LHFPL3: variants seen among roughly 807,000 people sequenced by gnomAD.
LHFPL3 encodes the protein LHFPL tetraspan subfamily member 3.
Under a neutral mutation model 19.3 loss-of-function variants are expected in LHFPL3, and 5 were observed. The ratio of observed to expected loss-of-function variants is 0.26; its 90% CI spans 0.14 to 0.54. The LOEUF (loss-of-function observed/expected upper bound fraction) is 0.54, where lower values mean the gene tolerates loss of function less well. Ranked by LOEUF, LHFPL3 falls within the 20% of genes least tolerant of loss-of-function variation. LHFPL3 has a pLI of 0.94. For missense variants in LHFPL3, 249 were observed against 307.4 expected, an observed-to-expected ratio of 0.81 and a Z score of 1.42; for synonymous variants, 133 against 126.2, an observed-to-expected ratio of 1.05 and a Z score of -0.36.
chr7:104,699,320 G>A (rs1584486430), intron 1 of LHFPL3, among the ~76,000 whole-genome samples: 1 of 152,312 alleles, frequency 6.6e-6, no homozygotes, highest in East Asian at 1.9e-4. Context: ...TATATGGTAT[G>A]CACATACAAT....
intron 1 of LHFPL3, among the ~76,000 whole-genome samples, chr7:104,377,415 A>G (rs574491657): frequency 1.3e-5 from 2 of 152,240 alleles, no homozygotes; most frequent in Non-Finnish European, 2.9e-5. Flanking sequence ...CCAGGTTTCA[A>G]TGTATCACAA....
At chr7:104,421,768 A>G (rs1327167448) in intron 1 of LHFPL3, among the ~76,000 whole-genome samples, 1 of 152,224 alleles carries the variant, frequency 6.6e-6, no homozygotes, top group Non-Finnish European at 1.5e-5. Context: ...TAAAGAAAAG[A>G]TAGCTGATAT....
At chr7:104,475,753 C>T (rs1437141868) in intron 1 of LHFPL3, among the ~76,000 whole-genome samples, 1 of 152,114 alleles carries the variant, frequency 6.6e-6, no homozygotes, top group African/African-American at 2.4e-5. Context: ...AGTGGAATTT[C>T]CAAATGCAGT....
chr7:104,592,728 T>G (rs1352891366), intron 1 of LHFPL3, among the ~76,000 whole-genome samples: 1 of 152,156 alleles, frequency 6.6e-6, no homozygotes, highest in Non-Finnish European at 1.5e-5. Flanking sequence ...CAGGCCGGCC[T>G]CCTTGAGCTG....
intron 1 of LHFPL3, among the ~76,000 whole-genome samples, chr7:104,621,184 A>C (rs1327417758): frequency 6.6e-6 from 1 of 152,206 alleles, no homozygotes; most frequent in Non-Finnish European, 1.5e-5. Context: ...CACTGATGCC[A>C]GTCCAAAAGT....
chr7:104,676,667 A>G (rs1792599158), intron 1 of LHFPL3, among the ~76,000 whole-genome samples: 1 of 152,268 alleles, frequency 6.6e-6, no homozygotes, highest in Admixed American at 6.5e-5. Context: ...GTTTAGCCTC[A>G]GTCATAAATA....
rs1299209364 is a variant in LHFPL3, at chr7:104,329,185, A to G, written c.406A>G (p.Thr136Ala). The part of the protein sequence containing the change: ...FTLFFFCNTA[T>A]VYKICAWMQL... ...CCTCTTCTTCTTCTGCAACACGGCC[A>G]CTGTGTACAAGATATGTGCCTGGAT... The change falls in exon 1 of 3, where the codon ACT becomes GCT. Residue 136 changes from threonine to alanine, a missense_variant. Coordinates refer to ENST00000424859, the MANE Select transcript of LHFPL3 (RefSeq NM_199000.3). The G allele has an allele frequency of 3.7e-6, 6 of 1,613,864 alleles. No individual in the cohort carries two copies. The highest frequency in any genetic ancestry group is 5.1e-6 in the Non-Finnish European group (6 of 1,179,814).
At chr7:104,832,205 T>C (rs1422683134) in intron 2 of LHFPL3, among the ~76,000 whole-genome samples, 3 of 152,016 alleles carry the variant, frequency 2.0e-5, no homozygotes, top group Non-Finnish European at 1.5e-5. Context: ...CACCGGATAA[T>C]TGTCATTGTC....
intron 1 of LHFPL3, among the ~76,000 whole-genome samples, chr7:104,432,898 C>T (rs1017357441): frequency 1.1e-4 from 16 of 152,116 alleles, no homozygotes; most frequent in Non-Finnish European, 1.3e-4. Flanking sequence ...CCACCCCTTG[C>T]CTGAGATGTG....
At chr7:104,650,118 T>A (rs953635091) in intron 1 of LHFPL3, among the ~76,000 whole-genome samples, 1 of 152,168 alleles carries the variant, frequency 6.6e-6, no homozygotes, top group Non-Finnish European at 1.5e-5. Flanking sequence ...AAGTGGCAAC[T>A]GAGAGCACAA....
intron 2 of LHFPL3, among the ~76,000 whole-genome samples, chr7:104,872,748 G>C (rs561179873): frequency 3.9e-5 from 6 of 152,078 alleles, no homozygotes; most frequent in Non-Finnish European, 8.8e-5. Flanking sequence ...AATAACACAC[G>C]GAGCTGTCAT....
chr7:104,635,339 C>T (rs1791710947), intron 1 of LHFPL3, among the ~76,000 whole-genome samples: 2 of 152,038 alleles, frequency 1.3e-5, no homozygotes, highest in African/African-American at 4.8e-5. Flanking sequence ...CTTCCAAGTA[C>T]TCAACACAAT....
intron 1 of LHFPL3, among the ~76,000 whole-genome samples, chr7:104,646,471 G>A (rs1232779939): frequency 1.3e-5 from 2 of 152,200 alleles, no homozygotes; most frequent in African/African-American, 2.4e-5. Context: ...GAAATAGGAT[G>A]TAAGAATTGG....
intron 2 of LHFPL3, among the ~76,000 whole-genome samples, chr7:104,900,839 G>A (rs1004762552): frequency 5.9e-5 from 9 of 152,304 alleles, no homozygotes; most frequent in Middle Eastern, 3.4e-3. Context: ...GGGCAACTCC[G>A]AGCCCATGAC....
chr7:104,896,775 A>C (rs1458435428), intron 2 of LHFPL3, among the ~76,000 whole-genome samples: 1 of 151,982 alleles, frequency 6.6e-6, no homozygotes, highest in East Asian at 1.9e-4. Context: ...ATTCAGTAGA[A>C]GGTATCACTG....
chr7:104,374,702 T>A (rs1790676415), intron 1 of LHFPL3, among the ~76,000 whole-genome samples: 1 of 152,184 alleles, frequency 6.6e-6, no homozygotes, highest in Non-Finnish European at 1.5e-5. Context: ...GGGATAGTTT[T>A]GGTACCAAAC....
rs143991867 is a variant in LHFPL3 at position 104,714,552 on chromosome 7, G to A, written c.446-22123G>A. On this transcript the variant is annotated intron_variant, in intron 1 of 2. Coordinates refer to ENST00000424859, the MANE Select transcript of LHFPL3 (RefSeq NM_199000.3). ...TTAGCAGTTCTTCATTTTAGATTTA[G>A]TAAGTCAGTGCCTCGGAGTTCATAT... 1.9e-3 allele frequency among the ~76,000 whole-genome samples: 295 copies of A among 151,756 alleles called. 4 individuals carry two copies. The highest frequency in any genetic ancestry group is 6.0e-3 in the African/African-American group (250 of 41,378).
intron 2 of LHFPL3, among the ~76,000 whole-genome samples, chr7:104,749,078 A>G (rs936956912): frequency 1.3e-5 from 2 of 152,268 alleles, no homozygotes; most frequent in Non-Finnish European, 2.9e-5. Flanking sequence ...AGTTGGCCGA[A>G]TCCAATTAAT....
intron 2 of LHFPL3, among the ~76,000 whole-genome samples, chr7:104,847,668 GC>G (rs1211153090): frequency 1.3e-5 from 2 of 152,126 alleles, no homozygotes; most frequent in East Asian, 3.9e-4. Flanking sequence ...ATGCAACCAT[GC>G]CCAGCTAATG....
Sources: gnomAD v4.1 joint callset for allele counts (sites outside exome capture counted in the v4.1 genomes callset) on GRCh38, gnomAD v4.1.1 for gene constraint, MANE v1.5 for transcripts, NCBI Gene and HGNC (gene_info 2026-07-23, HGNC 2026-07-21) for gene names.